Variants in WRN observed in about 807,000 individuals in gnomAD.
The protein encoded by WRN is bifunctional 3'-5' exonuclease/ATP-dependent helicase WRN.
A neutral mutation model predicts 180.7 loss-of-function variants in WRN; 149 were observed. That is an observed-to-expected ratio of 0.82 (90% CI 0.72 to 0.94). WRN has a LOEUF of 0.94. WRN is among the 40% of genes least tolerant of loss of function. WRN has a pLI of 0.00. For synonymous variants in WRN, 548 were observed against 568.9 expected (o/e 0.96, Z 0.52); for missense variants, 1,661 against 1,700.1 (o/e 0.98, Z 0.40).
At position 31,076,242 on chromosome 8, in the gene WRN, C is replaced by G. The variant is rs1398715893; in HGVS notation, c.794C>G (p.Ala265Gly). 1.9e-6 allele frequency: 3 copies of G among 1,613,616 alleles called. No individual in the cohort carries two copies. The highest frequency in any genetic ancestry group is 2.5e-6 in the Non-Finnish European group (3 of 1,179,908). ...ATCTCTGAGGAAGTGATGGATCTGG[C>G]TAAGCATCTTCCTCATGCTTTCAGT... Reference protein sequence around the residue: ...TSISEEVMDLAKHLPHAFSKL... With the variant: ...TSISEEVMDLGKHLPHAFSKL... The change falls in exon 8 of 35, where the codon GCT becomes GGT. Residue 265 changes from alanine to glycine, a missense_variant. Physicochemically the swap from Ala to Gly is moderately conservative, Grantham distance 60. Coordinates refer to ENST00000298139, the MANE Select transcript of WRN (RefSeq NM_000553.6).
intron 18 of WRN, among the ~76,000 whole-genome samples, chr8:31,105,133 A>G (rs1801045093): frequency 1.3e-5 from 2 of 152,194 alleles, no homozygotes; most frequent in South Asian, 4.1e-4. Flanking sequence ...TAAATATACT[A>G]GTTAGCAAGT....
At chr8:31,120,646 GC>G (rs1801691258) in intron 21 of WRN, among the ~76,000 whole-genome samples, 1 of 151,818 alleles carries the variant, frequency 6.6e-6, no homozygotes, top group East Asian at 1.9e-4. Context: ...ATTTCAGCAT[GC>G]CTTAGTTAGT....
intron 1 of WRN, among the ~76,000 whole-genome samples, chr8:31,041,754 G>C (rs1311854804): frequency 1.3e-5 from 2 of 152,158 alleles, no homozygotes; most frequent in Non-Finnish European, 2.9e-5. Context: ...AAAGTTGTAG[G>C]ATTGCCAGGA....
chr8:31,103,407 CACCACAAACGTGAGCAG>C (rs1800957636), intron 18 of WRN, among the ~76,000 whole-genome samples: 1 of 152,212 alleles, frequency 6.6e-6, no homozygotes, highest in East Asian at 1.9e-4. Context: ...ACAGCAGCAT[CACCACAAACGTGAGCAG>C]TGCCTTGTGC....
chr8:31,143,428 A>G (rs1802737551), intron 27 of WRN, 122 bp from the exon 28 acceptor site: 2 of 658,202 alleles, frequency 3.0e-6, no homozygotes, highest in South Asian at 3.7e-5. Flanking sequence ...TCAGGTGATT[A>G]ATTTGACAGC....
At chr8:31,036,490 C>G (rs1811456830) in intron 1 of WRN, among the ~76,000 whole-genome samples, 1 of 152,148 alleles carries the variant, frequency 6.6e-6, no homozygotes, top group African/African-American at 2.4e-5. Flanking sequence ...AAGGAGTTCC[C>G]TTTTCTCCAC....
intron 31 of WRN, among the ~76,000 whole-genome samples, chr8:31,152,286 G>A (rs536389378): frequency 3.3e-5 from 5 of 151,372 alleles, no homozygotes. Context: ...AGCCGAGATC[G>A]TGCCACTGCA....
intron 23 of WRN, among the ~76,000 whole-genome samples, chr8:31,128,590 T>C (rs1468911297): frequency 6.6e-6 from 1 of 152,222 alleles, no homozygotes; most frequent in African/African-American, 2.4e-5. Flanking sequence ...CCGGGTGCAG[T>C]GGCTCATGCC....
At chr8:31,152,224 G>A (rs756799151) in intron 31 of WRN, among the ~76,000 whole-genome samples, 3 of 152,088 alleles carry the variant, frequency 2.0e-5, no homozygotes, top group Middle Eastern at 3.4e-3. Flanking sequence ...CCAGCTACTC[G>A]GGAGGCTGAG....
At chr8:31,037,277 A>C (rs1811486222) in intron 1 of WRN, among the ~76,000 whole-genome samples, 1 of 152,184 alleles carries the variant, frequency 6.6e-6, no homozygotes, top group South Asian at 2.1e-4. Flanking sequence ...TGCTATGAGA[A>C]TCTAATGCCA....
At chr8:31,167,304 A>G in intron 34 of WRN, 74 bp downstream of exon 34, 1 of 1,283,554 alleles carries the variant, frequency 7.8e-7, no homozygotes. Flanking sequence ...AGAATGCTGT[A>G]TTTTTTTGAA....
intron 34 of WRN, 45 bp from the exon 35 acceptor site, chr8:31,172,950 C>T: frequency 6.3e-7 from 1 of 1,581,858 alleles, no homozygotes; most frequent in Non-Finnish European, 8.7e-7. Context: ...TACCCCTTCT[C>T]AGTAGTACAA....
intron 1 of WRN, among the ~76,000 whole-genome samples, chr8:31,054,164 C>T (rs183740654): frequency 1.5e-4 from 23 of 152,066 alleles, no homozygotes; most frequent in African/African-American, 5.1e-4. Context: ...TAGAGTGTAG[C>T]ATGAACCCAA....
chr8:31,103,773 C>T (rs1268122729), intron 18 of WRN, among the ~76,000 whole-genome samples: 1 of 151,938 alleles, frequency 6.6e-6, no homozygotes, highest in Non-Finnish European at 1.5e-5. Flanking sequence ...CTGGTTCTGT[C>T]ACCCTGGCTG....
chr8:31,064,536 T>TA, intron 4 of WRN, 102 bp downstream of exon 4: 1 of 1,486,802 alleles, frequency 6.7e-7, no homozygotes, highest in Non-Finnish European at 9.3e-7. Context: ...GTTCTCTCAT[T>TA]ATCTCAAATT....
intron 8 of WRN, 145 bp downstream of exon 8, chr8:31,076,432 T>A: frequency 1.5e-6 from 1 of 680,622 alleles, no homozygotes; most frequent in East Asian, 2.7e-5. Context: ...ATGCATAAAT[T>A]TGAGAAATAT....
At chr8:31,101,059 A>C (rs1481624302) in intron 18 of WRN, 104 bp downstream of exon 18, 3 of 892,828 alleles carry the variant, frequency 3.4e-6, no homozygotes, top group Non-Finnish European at 5.5e-6. Context: ...ATAAAAGAGC[A>C]AATGGATAAT....
chr8:31,067,707 A>G lies in WRN; in HGVS notation c.654+525A>G, dbSNP rs74302111. Among the ~76,000 whole-genome samples the G allele has an allele frequency of 1.7e-4, 26 of 152,264 alleles. No individual in the cohort carries two copies. The East Asian group carries it at 2.7e-3, about 16-fold the overall frequency. ...TGTAGTGAAATCTGGGCTTATCTTT[A>G]TATATAGCACTATTGTGTGTTTTTT... On this transcript the variant is annotated intron_variant, in intron 6 of 34. Coordinates refer to ENST00000298139, the MANE Select transcript of WRN (RefSeq NM_000553.6).
At position 31,124,980 on chromosome 8, in the gene WRN, C is replaced by G; in HGVS notation, c.2805C>G (p.Cys935Trp). 6.2e-7 allele frequency: 1 copy of G among 1,612,982 alleles called. No individual in the cohort carries two copies. The highest frequency in any genetic ancestry group is 8.5e-7 in the Non-Finnish European group (1 of 1,179,354). Residue 935 changes from cysteine (C) to tryptophan (W), a missense_variant, in exon 23 of 35, where the codon TGC becomes TGG. This residue lies in a region of WRN where 1,141 missense variants were observed against 1,149.4 expected (regional missense o/e 0.99). Coordinates refer to ENST00000298139, the MANE Select transcript of WRN (RefSeq NM_000553.6). Reference sequence around the variant, plus strand: ...TGGGAATTATGGGAACTGAAAAATGCTGTGATAATTGCAGGTCCAGGTAAA... The same window carrying G: ...TGGGAATTATGGGAACTGAAAAATGGTGTGATAATTGCAGGTCCAGGTAAA... ...ASLGIMGTEKCCDNCRSRLDH... is the reference protein window; with the variant it reads ...ASLGIMGTEKWCDNCRSRLDH...
Sources: gnomAD v4.1 joint callset for allele counts (sites outside exome capture counted in the v4.1 genomes callset) on GRCh38, gnomAD v4.1.1 for gene constraint, gnomAD v4.1.1 regional missense constraint, MANE v1.5 for transcripts, NCBI Gene and HGNC (gene_info 2026-07-23, HGNC 2026-07-21) for gene names.